SCUBE1: variants seen among roughly 807,000 people sequenced by gnomAD.
The protein encoded by SCUBE1 is signal peptide, CUB domain and EGF like domain containing 1.
In SCUBE1, 59 loss-of-function variants were observed where a neutral mutation model predicts 124.4. The ratio of observed to expected loss-of-function variants is 0.47; its 90% CI spans 0.38 to 0.59. SCUBE1 has a LOEUF of 0.59. Among genes scored for constraint, SCUBE1 ranks in the 20% least tolerant of loss-of-function variants. The probability of loss-of-function intolerance (pLI) is 0.00; values close to 1 mark genes in which losing one functional copy is unlikely to be tolerated. For missense variants in SCUBE1, 1,150 were observed against 1,371.2 expected, an observed-to-expected ratio of 0.84 and a Z score of 2.55; for synonymous variants, 545 against 550.9, an observed-to-expected ratio of 0.99 and a Z score of 0.15.
In SCUBE1 at chr22:43,255,453, C is replaced by G. The variant is rs1923621340; in HGVS notation, c.727+2766G>C. The G allele has an allele frequency of 2.0e-6, 3 of 1,522,160 alleles. No homozygotes were observed. In the South Asian group the frequency reaches 3.6e-5, roughly 18 times the overall value. The allele number at this position is 1,522,160 out of a possible 1,614,324, so 94.3% of individuals were successfully genotyped here. A position where few individuals can be genotyped will look rare whatever the true frequency, so the allele number is the denominator to read the frequency against. ...ACATGTGCACACACACACACAAGTG[C>G]AAGTACGACAAAGGAAGTGGAAGAA... On this transcript the variant is annotated intron_variant, in intron 6 of 21. Transcript: ENST00000360835. This position sits in a 1 kb window ranked among gnomAD's most constrained non-coding sequence, Gnocchi z 4.7.
chr22:43,227,587 C>G (rs1394018078), intron 9 of SCUBE1, 91 bp from the exon 10 acceptor site: 42 of 1,515,590 alleles, frequency 2.8e-5, no homozygotes, highest in Non-Finnish European at 3.5e-5. Context: ...GGGCAAGAAT[C>G]TCCTGACCCC....
At chr22:43,282,073 C>G (rs1387670371) in intron 4 of SCUBE1, 2 of 152,970 alleles carry the variant, frequency 1.3e-5, no homozygotes, top group Admixed American at 6.5e-5. Flanking sequence ...AGCAGCTGGA[C>G]GGTCAACAGG....
At chr22:43,296,260 C>G (rs1925555430) in intron 3 of SCUBE1, among the ~76,000 whole-genome samples, 1 of 152,248 alleles carries the variant, frequency 6.6e-6, no homozygotes, top group South Asian at 2.1e-4. Flanking sequence ...ATTTGTGCAG[C>G]CTGACACGCA....
intron 4 of SCUBE1, among the ~76,000 whole-genome samples, chr22:43,290,436 T>C (rs1925314605): frequency 6.6e-6 from 1 of 152,240 alleles, no homozygotes; most frequent in African/African-American, 2.4e-5. Context: ...AACACCAAGT[T>C]CCTTTGCCTG....
At chr22:43,261,315 G>A (rs1398516685) in intron 5 of SCUBE1, among the ~76,000 whole-genome samples, 1 of 152,240 alleles carries the variant, frequency 6.6e-6, no homozygotes, top group African/African-American at 2.4e-5. Flanking sequence ...GTTTGGTCCT[G>A]CCCTGGGTGA....
rs756731797 is a variant in SCUBE1 at position 43,258,238 on chromosome 22, T to C, written c.708A>G (p.Ser236=). The C allele has an allele frequency of 6.2e-7, 1 of 1,613,444 alleles. No individual in the cohort carries two copies. The highest frequency in any genetic ancestry group is 1.1e-5 in the South Asian group (1 of 91,060). Reference sequence around the variant, plus strand: ...ACTTACCGATGCACGTGCGACCGTCTGAGTGGAGGGCGTACTTCTGGTGGC... The same window carrying C: ...ACTTACCGATGCACGTGCGACCGTCCGAGTGGAGGGCGTACTTCTGGTGGC... ...CGCHQKYALH[S]DGRTCIETCA... Residue 236 remains serine, a synonymous_variant, in exon 6 of 22, where the codon TCA becomes TCG. Coordinates refer to ENST00000360835, the MANE Select transcript of SCUBE1 (RefSeq NM_173050.5). This position sits in a 1 kb window ranked among gnomAD's most constrained non-coding sequence, Gnocchi z 5.0.
At chr22:43,321,510 A>G (rs959367585) in intron 2 of SCUBE1, among the ~76,000 whole-genome samples, 7 of 152,208 alleles carry the variant, frequency 4.6e-5, no homozygotes, top group African/African-American at 1.4e-4. Context: ...GAGATGCTGC[A>G]GAGCAAAGGG....
chr22:43,343,053 CA>C (rs1272865744), intron 1 of SCUBE1, 120 bp downstream of exon 1: 47 of 318,228 alleles, frequency 1.5e-4, no homozygotes, highest in Non-Finnish European at 2.1e-4. Context: ...TGCAAAGAGG[CA>C]GGGGGCGCGG....
At chr22:43,278,681 T>C (rs1601851100) in intron 4 of SCUBE1, among the ~76,000 whole-genome samples, 1 of 152,224 alleles carries the variant, frequency 6.6e-6, no homozygotes, top group African/African-American at 2.4e-5. Context: ...AAGTGGATGG[T>C]GCAGGGCAAA....
chr22:43,227,398 G>A lies in SCUBE1; in HGVS notation c.1183C>T (p.His395Tyr). The A allele has an allele frequency of 6.2e-7, 1 of 1,611,856 alleles. No individual in the cohort carries two copies. Among genetic ancestry groups the A allele is most frequent in the African/African-American group, 1.3e-5 (1 of 75,016 alleles). ...CCCACGCAATCCTTCCCGTTCCAGT[G>A]GAGCCGCCTCCCCGGGGGACAGACG... Reference protein sequence around the residue: ...ECVCPPGRRLHWNGKDCVETG... With the variant: ...ECVCPPGRRLYWNGKDCVETG... Residue 395 changes from histidine (H) to tyrosine (Y), a missense_variant, in exon 10 of 22, where the codon CAC (histidine) becomes TAC (tyrosine). This residue lies in a region of SCUBE1 where 757 missense variants were observed against 840.9 expected (regional missense o/e 0.90). Coordinates refer to ENST00000360835, the MANE Select transcript of SCUBE1 (RefSeq NM_173050.5).
In SCUBE1 at chr22:43,258,118, G is replaced by A. The variant is rs1033538267; in HGVS notation, c.727+101C>T. ...CCTTGTTTCCCTGAAGCTTCCTTCC[G>A]GGGAACCCGGACGTGGCAGGGTGCT... On this transcript the variant is annotated intron_variant, in intron 6 of 21. Coordinates refer to ENST00000360835, the MANE Select transcript of SCUBE1 (RefSeq NM_173050.5). This position sits in a 1 kb window ranked among gnomAD's most constrained non-coding sequence, Gnocchi z 5.0. 3.1e-5 allele frequency: 27 copies of A among 858,656 alleles called. No individual in the cohort carries two copies. Among genetic ancestry groups the A allele is most frequent in the African/African-American group, 1.7e-4 (10 of 60,350 alleles). 53.2% of individuals were successfully genotyped at this position (858,656 alleles called of 1,614,324 possible).
intron 8 of SCUBE1, among the ~76,000 whole-genome samples, chr22:43,229,464 G>C (rs1922465137): frequency 6.6e-6 from 1 of 152,196 alleles, no homozygotes; most frequent in South Asian, 2.1e-4. Context: ...GGATTATTAT[G>C]AATCTCTGCC....
rs778296868 is a variant in SCUBE1 at position 43,220,530 on chromosome 22, C to T, written c.1607G>A (p.Arg536His). The change falls in exon 14 of 22, where the codon CGT (arginine) becomes CAT (histidine). Residue 536 changes from arginine to histidine, a missense_variant. This residue lies in a region of SCUBE1 where 757 missense variants were observed against 840.9 expected (regional missense o/e 0.90). Transcript: ENST00000360835. ...LKCDSSKKRR[R>H]GRKSPSKEVS... is the part of the protein sequence containing the mutation. Reference sequence around the variant, plus strand: ...CTCCTTGGATGGGGACTTGCGGCCACGGCGCCTCTTCTTGGAGGAGTCACA... The same window carrying T: ...CTCCTTGGATGGGGACTTGCGGCCATGGCGCCTCTTCTTGGAGGAGTCACA... The T allele has an allele frequency of 3.7e-5, 60 of 1,614,014 alleles. No individual in the cohort carries two copies. Among genetic ancestry groups the T allele is most frequent in the South Asian group, 3.5e-4 (32 of 91,084 alleles).
intron 6 of SCUBE1, among the ~76,000 whole-genome samples, chr22:43,254,478 C>T (rs1318689499): frequency 6.6e-6 from 1 of 152,222 alleles, no homozygotes; most frequent in Non-Finnish European, 1.5e-5. Flanking sequence ...GACCTTTAGG[C>T]TCTGACCTTC....
chr22:43,263,201 C>T (rs1446941038), intron 4 of SCUBE1, among the ~76,000 whole-genome samples: 4 of 152,296 alleles, frequency 2.6e-5, no homozygotes, highest in Non-Finnish European at 5.9e-5. Context: ...TGATTTGCTC[C>T]CCTCTCCCGA....
chr22:43,310,681 G>GT (rs1459120194), intron 3 of SCUBE1, among the ~76,000 whole-genome samples: 3 of 152,232 alleles, frequency 2.0e-5, no homozygotes, highest in Non-Finnish European at 4.4e-5. Context: ...ATGTGAGGTA[G>GT]TTTTTTAAAA....
At chr22:43,280,762 T>TCTTTGGC (rs1924778139) in intron 4 of SCUBE1, among the ~76,000 whole-genome samples, 3 of 89,114 alleles carry the variant, frequency 3.4e-5, no homozygotes, top group African/African-American at 1.7e-4. Flanking sequence ...GTCACCTCCC[T>TCTTTGGC]CATTGGCCAC....
intron 6 of SCUBE1, among the ~76,000 whole-genome samples, chr22:43,250,986 T>G (rs11912855): frequency 2.2e-4 from 34 of 152,208 alleles, no homozygotes; most frequent in African/African-American, 7.5e-4. Context: ...ACTGGCTATG[T>G]GGCCTCCCTT....
chr22:43,218,176 G>A lies in SCUBE1; in HGVS notation c.1891+79C>T, dbSNP rs576659990. ...CTCCCCAGGTGTCTGTCTCACCTGC[G>A]TGCCCACCACTGTTTACCCCGGCTC... On this transcript the variant is annotated intron_variant, in intron 15 of 21. Transcript: ENST00000360835. 540 of 1,402,624 alleles carry A rather than the reference G, an allele frequency of 3.8e-4. 1 individual carries two copies. The highest frequency in any genetic ancestry group is 2.8e-3 in the South Asian group (242 of 85,246). The allele number at this position is 1,402,624 out of a possible 1,614,324, so 86.9% of individuals were successfully genotyped here.
Sources: gnomAD v4.1 joint callset for allele counts (sites outside exome capture counted in the v4.1 genomes callset) on GRCh38, gnomAD v4.1.1 for gene constraint, gnomAD v4.1.1 regional missense constraint, Gnocchi (gnomAD v3.1) non-coding constraint, MANE v1.5 for transcripts, NCBI Gene and HGNC (gene_info 2026-07-23, HGNC 2026-07-21) for gene names.